ABI2: variants seen among roughly 807,000 people sequenced by gnomAD.
The protein encoded by ABI2 is abelson interactor 2.
A neutral mutation model predicts 59.2 loss-of-function variants in ABI2; 25 were observed. The ratio of observed to expected loss-of-function variants is 0.42; its 90% CI spans 0.31 to 0.59. ABI2 has a LOEUF of 0.59. ABI2 is among the 20% of genes least tolerant of loss of function. The probability of loss-of-function intolerance (pLI) is 0.14; values close to 1 mark genes in which losing one functional copy is unlikely to be tolerated. For missense variants in ABI2, 545 were observed against 681.8 expected (o/e 0.80, Z 2.23); for synonymous variants, 213 against 235.5 (o/e 0.90, Z 0.87).
At position 203,345,318 on chromosome 2, in the gene ABI2, T is replaced by C. The variant is rs574717419; in HGVS notation, c.117+16687T>C. The stretch of plus-strand genomic sequence containing the variant: ...AAGTCAAGCGAAACCAGGAACCCAC[T>C]GGAAGGAAGAAACTCCGGACAGATC... On this transcript the variant is annotated intron_variant, in intron 1 of 11. Transcript: ENST00000261018. 1.1e-3 allele frequency among the ~76,000 whole-genome samples: 168 copies of C among 152,230 alleles called. 1 individual carries two copies. In the Middle Eastern group the frequency reaches 0.014, roughly 12 times the overall value.
At chr2:203,394,156 T>C (rs1006436669) in intron 5 of ABI2, among the ~76,000 whole-genome samples, 1 of 152,124 alleles carries the variant, frequency 6.6e-6, no homozygotes, top group African/African-American at 2.4e-5. Context: ...TTAAAGTGTG[T>C]ATTTTTGTAT....
intron 8 of ABI2, among the ~76,000 whole-genome samples, chr2:203,401,374 C>G (rs1175590056): frequency 2.0e-5 from 3 of 152,082 alleles, no homozygotes; most frequent in African/African-American, 7.2e-5. Flanking sequence ...CTCTTGCCCT[C>G]CCCTTCTCCC....
chr2:203,362,615 C>G (rs2093672562), intron 1 of ABI2, among the ~76,000 whole-genome samples: 1 of 152,022 alleles, frequency 6.6e-6, no homozygotes, highest in South Asian at 2.1e-4. Context: ...CAACCTCTGT[C>G]TCCTGGGTTC....
At chr2:203,426,461 G>C (rs1347809014) in intron 11 of ABI2, among the ~76,000 whole-genome samples, 1 of 152,096 alleles carries the variant, frequency 6.6e-6, no homozygotes, top group African/African-American at 2.4e-5. Context: ...AAAGAGCCAA[G>C]TTACCAAGTG....
intron 11 of ABI2, among the ~76,000 whole-genome samples, chr2:203,425,359 C>T (rs1407685461): frequency 1.3e-5 from 2 of 152,086 alleles, no homozygotes; most frequent in Non-Finnish European, 2.9e-5. Context: ...CCCACCACCA[C>T]GCTTGGCTAA....
At chr2:203,419,293 GTAGAGA>G in intron 11 of ABI2, among the ~76,000 whole-genome samples, 1 of 148,504 alleles carries the variant, frequency 6.7e-6, no homozygotes, top group Admixed American at 6.7e-5. Flanking sequence ...TGTATTTTTA[GTAGAGA>G]CGTGGTTTCA....
At chr2:203,425,329 A>G (rs1370404106) in intron 11 of ABI2, among the ~76,000 whole-genome samples, 1 of 152,002 alleles carries the variant, frequency 6.6e-6, no homozygotes, top group Non-Finnish European at 1.5e-5. Context: ...CAGCCTCCCA[A>G]GTAGCTGGGA....
At chr2:203,400,374 C>G (rs984901012) in intron 8 of ABI2, among the ~76,000 whole-genome samples, 4 of 152,044 alleles carry the variant, frequency 2.6e-5, no homozygotes, top group African/African-American at 9.7e-5. Context: ...AAGGCCTGAG[C>G]CACCATGCCC....
chr2:203,353,077 T>C (rs2089893562), intron 1 of ABI2, among the ~76,000 whole-genome samples: 1 of 152,252 alleles, frequency 6.6e-6, no homozygotes, highest in Non-Finnish European at 1.5e-5. Context: ...AGTGACAGAA[T>C]TGTCTAATGA....
At chr2:203,400,897 T>G (rs2097191820) in intron 8 of ABI2, among the ~76,000 whole-genome samples, 1 of 152,226 alleles carries the variant, frequency 6.6e-6, no homozygotes, top group Non-Finnish European at 1.5e-5. Context: ...CTGAGAAATA[T>G]GAAGCCTGGA....
At position 203,367,876 on chromosome 2, in the gene ABI2, C is replaced by T. The variant is rs147900287; in HGVS notation, c.285+832C>T. ...AAAATTAGCCAGGTTTGGTGGTGCA[C>T]GCCTGTTGTCCCAGCTACTTGGGAG... On this transcript the variant is annotated intron_variant, in intron 2 of 11. Coordinates refer to ENST00000261018, the MANE Select transcript of ABI2 (RefSeq NM_001375670.1). Among the ~76,000 whole-genome samples, 814 of 151,894 alleles carry T rather than the reference C, an allele frequency of 5.4e-3. 11 individuals carry two copies. Among genetic ancestry groups the T allele is most frequent in the African/African-American group, 0.019 (768 of 41,434 alleles).
chr2:203,427,268 T>C lies in ABI2; in HGVS notation c.1545T>C (p.Asp515=), dbSNP rs1358054814. 4 of 1,613,822 alleles carry C rather than the reference T, an allele frequency of 2.5e-6. No individual in the cohort carries two copies. In the South Asian group the frequency reaches 3.3e-5, roughly 13 times the overall value. The change falls in exon 12 of 12, where the codon GAT becomes GAC. Residue 515 remains aspartate, a synonymous_variant. Coordinates refer to ENST00000261018, the MANE Select transcript of ABI2 (RefSeq NM_001375670.1). ...AIIYVIKKND[D]GWYEGVMNGV... is the part of the protein sequence containing the mutation. ...TTTATGTCATCAAGAAGAATGACGA[T>C]GGTTGGTATGAGGGAGTTATGAATG...
chr2:203,401,598 A>G (rs973727922), intron 8 of ABI2, among the ~76,000 whole-genome samples: 3 of 152,190 alleles, frequency 2.0e-5, no homozygotes, highest in Non-Finnish European at 4.4e-5. Context: ...GATGATAACT[A>G]TATATGGACT....
chr2:203,366,749 C>G (rs1577262286), intron 1 of ABI2, 128 bp from the exon 2 acceptor site: 2 of 871,820 alleles, frequency 2.3e-6, no homozygotes, highest in Non-Finnish European at 3.3e-6. Flanking sequence ...GTTTTCAATT[C>G]TGGTGGATTA....
intron 2 of ABI2, chr2:203,376,091 G>A: frequency 6.5e-7 from 1 of 1,534,556 alleles, no homozygotes; most frequent in Non-Finnish European, 8.7e-7. Context: ...GTCGACTTTT[G>A]TGACCAAATT....
At chr2:203,331,085 C>T (rs1249977783) in intron 1 of ABI2, among the ~76,000 whole-genome samples, 1 of 152,074 alleles carries the variant, frequency 6.6e-6, no homozygotes, top group African/African-American at 2.4e-5. Flanking sequence ...AGTTTAGCAT[C>T]TGAAGTATAT....
chr2:203,398,230 G>A (rs539904430), intron 8 of ABI2, among the ~76,000 whole-genome samples: 11 of 152,262 alleles, frequency 7.2e-5, no homozygotes, highest in African/African-American at 2.4e-4. Flanking sequence ...ATGTAAACAT[G>A]GGGTGTTTTT....
intron 11 of ABI2, among the ~76,000 whole-genome samples, chr2:203,419,487 A>C (rs541183211): frequency 6.7e-6 from 1 of 149,440 alleles, no homozygotes; most frequent in East Asian, 2.0e-4. Flanking sequence ...TCCTGCCTCA[A>C]CCTGCTGAGT....
At chr2:203,400,319 TC>T (rs1365337617) in intron 8 of ABI2, among the ~76,000 whole-genome samples, 3 of 151,752 alleles carry the variant, frequency 2.0e-5, no homozygotes, top group Non-Finnish European at 4.4e-5. Context: ...GAACTCCTGA[TC>T]TGAAATGATC....
Sources: gnomAD v4.1 joint callset for allele counts (sites outside exome capture counted in the v4.1 genomes callset) on GRCh38, gnomAD v4.1.1 for gene constraint, MANE v1.5 for transcripts, NCBI Gene and HGNC (gene_info 2026-07-23, HGNC 2026-07-21) for gene names.